Variants in MRPS27 observed in about 807,000 individuals in gnomAD.
MRPS27 encodes the protein small ribosomal subunit protein mS27.
A neutral mutation model predicts 48.9 loss-of-function variants in MRPS27; 43 were observed. The ratio of observed to expected loss-of-function variants is 0.88; its 90% confidence interval spans 0.69 to 1.13. The LOEUF (loss-of-function observed/expected upper bound fraction) is 1.13, where lower values mean the gene tolerates loss of function less well. Among genes scored for constraint, MRPS27 ranks in the 50% most tolerant of loss-of-function variants. MRPS27 has a pLI of 0.00. For synonymous variants in MRPS27, 188 were observed against 171.9 expected (o/e 1.09, Z -0.73); for missense variants, 467 against 476.3 (o/e 0.98, Z 0.18).
At chr5:72,289,229 C>T (rs1749754818) in intron 4 of MRPS27, among the ~76,000 whole-genome samples, 1 of 152,150 alleles carries the variant, frequency 6.6e-6, no homozygotes, top group South Asian at 2.1e-4. Context: ...GTTGGCAGTA[C>T]ACAGCTTGCC....
Position 72,286,921 on chromosome 5 carries a change from G to A in MRPS27, c.281+8610C>T, listed in dbSNP as rs138649130. Among the ~76,000 whole-genome samples the A allele has an allele frequency of 2.8e-3, 423 of 152,270 alleles. 2 individuals carry two copies. The highest frequency in any genetic ancestry group is 3.6e-3 in the Non-Finnish European group (247 of 68,024). Reference sequence around the variant, plus strand: ...AAAACAAAATCTAGAAGAAGAATCCGTGTGGTGCTGGGTTAAGCAGATTCC... The same window carrying A: ...AAAACAAAATCTAGAAGAAGAATCCATGTGGTGCTGGGTTAAGCAGATTCC... On this transcript the variant is annotated intron_variant, in intron 4 of 10. Transcript: ENST00000261413.
intron 4 of MRPS27, among the ~76,000 whole-genome samples, chr5:72,240,005 T>C (rs1279174613): frequency 1.3e-5 from 2 of 152,196 alleles, no homozygotes; most frequent in Non-Finnish European, 2.9e-5. Flanking sequence ...TCAAGTGAAG[T>C]ATCAGGTGTA....
intron 2 of MRPS27, among the ~76,000 whole-genome samples, chr5:72,307,073 G>T (rs1252628010): frequency 1.3e-5 from 2 of 152,114 alleles, no homozygotes; most frequent in African/African-American, 4.8e-5. Flanking sequence ...GGATACCTGA[G>T]CCAGGAGCGG....
At position 72,314,112 on chromosome 5, in the gene MRPS27, C is replaced by G; in HGVS notation, c.120G>C (p.Trp40Cys). Reference protein sequence around the residue: ...LSSAYVDSHKWEAREKEHYCL... With the variant: ...LSSAYVDSHKCEAREKEHYCL... ...AGTAATGTTCTTTTTCTCTTGCTTC[C>G]CATTTGTGGCTGTCTACATAGGCTG... The change falls in exon 2 of 11, where the codon TGG becomes TGC. Residue 40 changes from tryptophan to cysteine, a missense_variant. By Grantham distance (215) the Trp-to-Cys change is radical. Coordinates refer to ENST00000261413, the MANE Select transcript of MRPS27 (RefSeq NM_015084.3). The G allele has an allele frequency of 1.9e-6, 3 of 1,612,712 alleles. No individual in the cohort carries two copies. The highest frequency in any genetic ancestry group is 1.7e-6 in the Non-Finnish European group (2 of 1,179,252).
chr5:72,250,443 G>C (rs914696860), intron 4 of MRPS27, among the ~76,000 whole-genome samples: 3 of 152,220 alleles, frequency 2.0e-5, no homozygotes, highest in Non-Finnish European at 4.4e-5. Flanking sequence ...AGGGGCAGAA[G>C]AGTAGGGAAA....
chr5:72,232,848 A>G (rs529384011), intron 6 of MRPS27, among the ~76,000 whole-genome samples: 145 of 152,322 alleles, frequency 9.5e-4, no homozygotes, highest in Admixed American at 2.4e-3. Context: ...TCCCAGTATC[A>G]TCGTCATAAT....
chr5:72,319,107 C>T (rs1340747809), intron 1 of MRPS27, among the ~76,000 whole-genome samples: 2 of 152,048 alleles, frequency 1.3e-5, no homozygotes, highest in Non-Finnish European at 2.9e-5. Flanking sequence ...GGAAGATAAG[C>T]GGCAATGGAA....
At chr5:72,311,851 C>T (rs1375226079) in intron 2 of MRPS27, among the ~76,000 whole-genome samples, 3 of 152,144 alleles carry the variant, frequency 2.0e-5, no homozygotes, top group East Asian at 1.9e-4. Context: ...AATTATTTCC[C>T]GCTGGGCGCG....
chr5:72,314,060 A>G (rs1750508751), intron 2 of MRPS27, 21 bp downstream of exon 2: 11 of 1,585,310 alleles, frequency 6.9e-6, no homozygotes, highest in Non-Finnish European at 9.5e-6. Context: ...TGACACATAT[A>G]ATAGTCCAAT....
At chr5:72,308,950 C>G (rs1036603760) in intron 2 of MRPS27, among the ~76,000 whole-genome samples, 3 of 152,210 alleles carry the variant, frequency 2.0e-5, no homozygotes, top group Non-Finnish European at 4.4e-5. Context: ...ACCATCATCT[C>G]TAATTTATAG....
chr5:72,293,595 G>T (rs752928651), intron 4 of MRPS27, among the ~76,000 whole-genome samples: 10 of 152,180 alleles, frequency 6.6e-5, no homozygotes, highest in Non-Finnish European at 1.5e-4. Flanking sequence ...CAACTTTTCA[G>T]TAATACTTGG....
At chr5:72,317,348 G>T (rs191196729) in intron 1 of MRPS27, among the ~76,000 whole-genome samples, 21 of 152,280 alleles carry the variant, frequency 1.4e-4, no homozygotes, top group African/African-American at 4.8e-4. Context: ...ACTAAGAAAA[G>T]ACTATAATTA....
At chr5:72,312,886 G>A (rs1253082320) in intron 2 of MRPS27, among the ~76,000 whole-genome samples, 1 of 152,122 alleles carries the variant, frequency 6.6e-6, no homozygotes, top group African/African-American at 2.4e-5. Context: ...CCAAAGTGCT[G>A]GGATTACAGG....
intron 4 of MRPS27, among the ~76,000 whole-genome samples, chr5:72,251,596 T>C (rs939892151): frequency 6.6e-6 from 1 of 152,194 alleles, no homozygotes; most frequent in African/African-American, 2.4e-5. Context: ...ATGGGGTTTA[T>C]ACCTTGAGCT....
intron 4 of MRPS27, among the ~76,000 whole-genome samples, chr5:72,238,372 T>A (rs1003935580): frequency 6.6e-6 from 1 of 152,214 alleles, no homozygotes; most frequent in African/African-American, 2.4e-5. Flanking sequence ...TACCCCTTAC[T>A]TCAACAGTTC....
chr5:72,287,007 C>A lies in MRPS27; in HGVS notation c.281+8524G>T, dbSNP rs976905538. ...TGGTACCAGTCTGTTAGGAACTGGG[C>A]GGCACAGTAGGAGGTGAGCGGTGGG... is the stretch of plus-strand genomic sequence containing the variant. On this transcript the variant is annotated intron_variant, in intron 4 of 10. Coordinates refer to ENST00000261413, the MANE Select transcript of MRPS27 (RefSeq NM_015084.3). 2.0e-5 allele frequency among the ~76,000 whole-genome samples: 3 copies of A among 152,086 alleles called. 1 individual carries two copies. The South Asian group carries it at 6.2e-4, about 31-fold the overall frequency.
At chr5:72,302,665 C>G (rs1253619632) in intron 2 of MRPS27, among the ~76,000 whole-genome samples, 1 of 152,152 alleles carries the variant, frequency 6.6e-6, no homozygotes, top group Admixed American at 6.5e-5. Flanking sequence ...GAAACATGAA[C>G]TTGGAGTGTT....
intron 2 of MRPS27, among the ~76,000 whole-genome samples, chr5:72,305,474 G>T (rs1561363097): frequency 6.6e-6 from 1 of 152,164 alleles, no homozygotes; most frequent in Non-Finnish European, 1.5e-5. Flanking sequence ...GAATGCAAAT[G>T]TGTCAAGGAA....
rs1187284685 is a variant in MRPS27 at position 72,307,708 on chromosome 5, T to TA, written c.151+6372dup. On this transcript the variant is annotated intron_variant, in intron 2 of 10. Coordinates refer to ENST00000261413, the MANE Select transcript of MRPS27 (RefSeq NM_015084.3). ...AAATCTGTGGCGTTAGAAGTCAGGATACCGGTTACCTTTGGAGAGACTAAG... is the reference window on the plus strand; with the variant it reads ...AAATCTGTGGCGTTAGAAGTCAGGATAACCGGTTACCTTTGGAGAGACTAAG... Among the ~76,000 whole-genome samples the TA allele has an allele frequency of 3.4e-4, 52 of 151,890 alleles. 1 individual carries two copies. Among genetic ancestry groups the TA allele is most frequent in the Admixed American group, 3.3e-3 (50 of 15,262 alleles).
Sources: allele counts gnomAD v4.1 joint callset (sites outside exome capture counted in the v4.1 genomes callset), GRCh38; gene constraint gnomAD v4.1.1; transcripts MANE v1.5; gene names NCBI Gene and HGNC (gene_info 2026-07-23, HGNC 2026-07-21).